CSMD1: variants seen among roughly 807,000 people sequenced by gnomAD.
CSMD1 encodes the protein CUB and sushi domain-containing protein 1.
Under a neutral mutation model 417.5 loss-of-function variants are expected in CSMD1, and 213 were observed. That is an observed-to-expected ratio of 0.51 (90% CI 0.46 to 0.57). CSMD1 has a LOEUF of 0.57. Ranked by LOEUF, CSMD1 falls within the 20% of genes least tolerant of loss-of-function variation. The pLI, the probability that CSMD1 is intolerant of heterozygous loss-of-function variation, is 0.00. For synonymous variants in CSMD1, 2,862 were observed against 1,736.8 expected (o/e 1.65, Z -16.11); for missense variants, 6,923 against 4,529.7 (o/e 1.53, Z -15.17).
chr8:3,339,451 T>C (rs979959827), intron 23 of CSMD1, among the ~76,000 whole-genome samples: 2 of 152,148 alleles, frequency 1.3e-5, no homozygotes, highest in Non-Finnish European at 2.9e-5. Flanking sequence ...CTGGGTGATT[T>C]GGTAGGCTCA....
intron 5 of CSMD1, among the ~76,000 whole-genome samples, chr8:3,787,960 C>G (rs918968011): frequency 2.0e-5 from 3 of 152,108 alleles, no homozygotes; most frequent in Non-Finnish European, 4.4e-5. Flanking sequence ...TGCATGGGCT[C>G]CTAATGCTCT....
intron 26 of CSMD1, among the ~76,000 whole-genome samples, chr8:3,274,651 C>T (rs530505294): frequency 6.6e-6 from 1 of 152,128 alleles, no homozygotes; most frequent in Non-Finnish European, 1.5e-5. Flanking sequence ...GTTAGCCCTT[C>T]TTGTTGAATT....
chr8:4,131,921 C>T (rs1242561090), intron 3 of CSMD1, among the ~76,000 whole-genome samples: 4 of 152,106 alleles, frequency 2.6e-5, no homozygotes, highest in Middle Eastern at 3.4e-3. Flanking sequence ...CGCAACCACA[C>T]CTGGCTACTT....
chr8:4,958,154 A>C (rs1374301619), intron 1 of CSMD1, among the ~76,000 whole-genome samples: 1 of 152,164 alleles, frequency 6.6e-6, no homozygotes, highest in Non-Finnish European at 1.5e-5. Flanking sequence ...TTTCCCTCAA[A>C]CAAAATGTTG....
chr8:4,943,945 C>T (rs1464061070), intron 1 of CSMD1, among the ~76,000 whole-genome samples: 1 of 152,046 alleles, frequency 6.6e-6, no homozygotes, highest in African/African-American at 2.4e-5. Context: ...TATGGAAAGA[C>T]AGAAAATGTA....
At chr8:3,164,659 T>C (rs1428993509) in intron 37 of CSMD1, among the ~76,000 whole-genome samples, 1 of 152,142 alleles carries the variant, frequency 6.6e-6, no homozygotes, top group African/African-American at 2.4e-5. Flanking sequence ...CAGTCGGGAA[T>C]ACTAAAAATC....
chr8:3,634,985 G>A (rs932254207), intron 7 of CSMD1, among the ~76,000 whole-genome samples: 7 of 151,990 alleles, frequency 4.6e-5, no homozygotes, highest in African/African-American at 9.7e-5. Flanking sequence ...ACAATGGTAA[G>A]AAATTTGTGT....
intron 5 of CSMD1, among the ~76,000 whole-genome samples, chr8:3,974,724 G>T (rs944706600): frequency 1.9e-4 from 28 of 151,260 alleles, no homozygotes; most frequent in Non-Finnish European, 3.5e-4. Flanking sequence ...ATGAAGAACA[G>T]AACAGGCAAA....
intron 50 of CSMD1, among the ~76,000 whole-genome samples, chr8:3,036,793 G>C (rs960560502): frequency 2.6e-5 from 4 of 152,022 alleles, no homozygotes; most frequent in African/African-American, 4.8e-5. Flanking sequence ...ACAAAATCAA[G>C]AACATGGGAT....
intron 41 of CSMD1, among the ~76,000 whole-genome samples, chr8:3,120,673 C>T (rs371322479): frequency 1.3e-5 from 2 of 149,900 alleles, no homozygotes; most frequent in Non-Finnish European, 2.9e-5. Context: ...ATGGTGAAAC[C>T]CTGTCTCTAC....
intron 3 of CSMD1, among the ~76,000 whole-genome samples, chr8:4,359,778 T>TA (rs1335866790): frequency 7.2e-5 from 11 of 152,132 alleles, no homozygotes; most frequent in Non-Finnish European, 1.3e-4. Context: ...AAGGAGTTGG[T>TA]AAAGAACGCA....
intron 3 of CSMD1, among the ~76,000 whole-genome samples, chr8:4,368,515 T>G (rs1243565451): frequency 1.3e-5 from 2 of 152,188 alleles, no homozygotes; most frequent in African/African-American, 4.8e-5. Context: ...TCCCTCTTTC[T>G]CAAATTTTTG....
At chr8:3,596,412 C>T (rs1003287372) in intron 8 of CSMD1, among the ~76,000 whole-genome samples, 1 of 152,158 alleles carries the variant, frequency 6.6e-6, no homozygotes, top group African/African-American at 2.4e-5. Flanking sequence ...GATAAGTCAA[C>T]AATGGAGGAG....
chr8:4,851,476 G>C (rs1166550419), intron 1 of CSMD1, among the ~76,000 whole-genome samples: 1 of 148,126 alleles, frequency 6.8e-6, no homozygotes, highest in Non-Finnish European at 1.5e-5. Context: ...TTTCTTTTTT[G>C]ATATTTGAGT....
chr8:4,961,764 T>A (rs1203019525), intron 1 of CSMD1, among the ~76,000 whole-genome samples: 2 of 152,162 alleles, frequency 1.3e-5, no homozygotes, highest in Non-Finnish European at 2.9e-5. Flanking sequence ...ATCTAGCAAT[T>A]TCTGTCCATT....
chr8:4,386,726 G>A (rs758055702), intron 3 of CSMD1, among the ~76,000 whole-genome samples: 2 of 152,212 alleles, frequency 1.3e-5, no homozygotes, highest in African/African-American at 2.4e-5. Context: ...GGGATAGCTG[G>A]CAGAGAAGTG....
chr8:4,743,861 C>T (rs1033972703), intron 1 of CSMD1, among the ~76,000 whole-genome samples: 4 of 152,126 alleles, frequency 2.6e-5, no homozygotes, highest in African/African-American at 9.7e-5. Context: ...TTTCTCTGTC[C>T]GTTCCCACTC....
At chr8:4,608,208 G>A (rs543751908) in intron 2 of CSMD1, among the ~76,000 whole-genome samples, 6 of 152,136 alleles carry the variant, frequency 3.9e-5, no homozygotes, top group Admixed American at 1.3e-4. Flanking sequence ...ACTCCAAAGG[G>A]GTGGAAATCC....
chr8:4,856,808 T>A (rs917984889), intron 1 of CSMD1, among the ~76,000 whole-genome samples: 3 of 150,530 alleles, frequency 2.0e-5, no homozygotes, highest in African/African-American at 4.9e-5. Context: ...CTCCCACACA[T>A]TAATAATGGG....
Sources: gnomAD v4.1 joint callset for allele counts (sites outside exome capture counted in the v4.1 genomes callset) on GRCh38, gnomAD v4.1.1 for gene constraint, MANE v1.5 for transcripts, NCBI Gene and HGNC (gene_info 2026-07-23, HGNC 2026-07-21) for gene names.